Variants in PRKAR2B observed in about 807,000 individuals in gnomAD.
The protein encoded by PRKAR2B is protein kinase cAMP-dependent type II regulatory subunit beta, also known as cAMP-dependent protein kinase type II-beta regulatory subunit.
A neutral mutation model predicts 49.9 loss-of-function variants in PRKAR2B; 14 were observed. The ratio of observed to expected loss-of-function variants is 0.28; its 90% CI spans 0.19 to 0.44. The LOEUF (loss-of-function observed/expected upper bound fraction) is 0.44. Among genes scored for constraint, PRKAR2B ranks in the 20% least tolerant of loss-of-function variants. PRKAR2B has a pLI of 1.00. For synonymous variants in PRKAR2B, 196 were observed against 197.7 expected, an observed-to-expected ratio of 0.99 and a Z score of 0.07; for missense variants, 393 against 537.9, an observed-to-expected ratio of 0.73 and a Z score of 2.67.
At chr7:107,148,384 C>T (rs891639110) in intron 6 of PRKAR2B, among the ~76,000 whole-genome samples, 2 of 152,128 alleles carry the variant, frequency 1.3e-5, no homozygotes, top group African/African-American at 4.8e-5. Context: ...TAGTTTTTAG[C>T]CCTTGTAGAA....
chr7:107,066,745 T>A (rs559844040), intron 1 of PRKAR2B: 1 of 151,994 alleles, frequency 6.6e-6, no homozygotes, highest in African/African-American at 2.4e-5. Context: ...ATTTTTTTTT[T>A]AATTTTTAGT....
At chr7:107,128,334 T>C in intron 4 of PRKAR2B, 39 bp downstream of exon 4, 2 of 1,466,960 alleles carry the variant, frequency 1.4e-6, no homozygotes, top group Non-Finnish European at 1.9e-6. Context: ...CTTTGTTTTT[T>C]CCCCCAGTGA....
intron 7 of PRKAR2B, among the ~76,000 whole-genome samples, chr7:107,152,572 CTTTTCTATTTCACTGTCATA>C (rs2115670135): frequency 6.6e-6 from 1 of 152,290 alleles, no homozygotes; most frequent in South Asian, 2.1e-4. Context: ...AAATTAAATG[CTTTTCTATTTCACTGTCATA>C]TTTGAAGTAT....
At chr7:107,106,951 A>G (rs989809793) in intron 2 of PRKAR2B, among the ~76,000 whole-genome samples, 1 of 152,168 alleles carries the variant, frequency 6.6e-6, no homozygotes, top group African/African-American at 2.4e-5. Flanking sequence ...TCCTGATAAA[A>G]TGCCATAAAA....
At chr7:107,048,469 C>T (rs750987697) in intron 1 of PRKAR2B, among the ~76,000 whole-genome samples, 8 of 151,930 alleles carry the variant, frequency 5.3e-5, no homozygotes, top group East Asian at 1.9e-4. Context: ...ATGTCTTTAA[C>T]GTAAGTGATG....
Position 107,101,135 on chromosome 7 carries a change from A to ATT in PRKAR2B, c.344-20795_344-20794dup, listed in dbSNP as rs950761298. On this transcript the variant is annotated intron_variant, in intron 2 of 10. Coordinates refer to ENST00000265717, the MANE Select transcript of PRKAR2B (RefSeq NM_002736.3). ...TTCCTCCCTCTCCAGGTTGTTGCTT[A>ATT]TTTTTTTTTTTTTTTTTTTTTTTGT... is the stretch of plus-strand genomic sequence containing the variant. 9.5e-3 allele frequency among the ~76,000 whole-genome samples: 903 copies of ATT among 94,606 alleles called. 3 individuals are homozygous for ATT. Among genetic ancestry groups the ATT allele is most frequent in the African/African-American group, 0.02 (482 of 23,694 alleles). The allele number at this position is 94,606 out of a possible 152,430, so 62.1% of individuals were successfully genotyped here.
chr7:107,130,359 G>A (rs1795582578), intron 4 of PRKAR2B, among the ~76,000 whole-genome samples: 1 of 151,794 alleles, frequency 6.6e-6, no homozygotes, highest in Admixed American at 6.6e-5. Flanking sequence ...AAAGTTAGCC[G>A]GGCGTGGTGG....
chr7:107,064,416 C>G (rs577854219), intron 1 of PRKAR2B, among the ~76,000 whole-genome samples: 1 of 152,326 alleles, frequency 6.6e-6, no homozygotes, highest in African/African-American at 2.4e-5. Flanking sequence ...TCGTCTTACT[C>G]TGCCCCACCT....
chr7:107,141,469 T>TC (rs1312628889), intron 5 of PRKAR2B, among the ~76,000 whole-genome samples: 7 of 152,174 alleles, frequency 4.6e-5, no homozygotes, highest in Non-Finnish European at 8.8e-5. Flanking sequence ...GGCCAGTGGA[T>TC]CACTTGAGGT....
chr7:107,077,784 G>C (rs1219465467), intron 2 of PRKAR2B: 9 of 152,238 alleles, frequency 5.9e-5, no homozygotes, highest in Non-Finnish European at 1.0e-4. Context: ...CGTATTAAAA[G>C]TGTCTCTGTG....
At chr7:107,111,373 C>T (rs574141934) in intron 2 of PRKAR2B, among the ~76,000 whole-genome samples, 2 of 152,318 alleles carry the variant, frequency 1.3e-5, no homozygotes, top group East Asian at 3.9e-4. Context: ...GACTTCACTT[C>T]CTGCTGATTG....
At chr7:107,151,514 T>C (rs1795987391) in intron 7 of PRKAR2B, among the ~76,000 whole-genome samples, 1 of 152,250 alleles carries the variant, frequency 6.6e-6, no homozygotes, top group Non-Finnish European at 1.5e-5. Context: ...CCCATGGCCT[T>C]AAATACAGAT....
chr7:107,051,776 T>C (rs1186613493), intron 1 of PRKAR2B, among the ~76,000 whole-genome samples: 2 of 152,226 alleles, frequency 1.3e-5, no homozygotes, highest in African/African-American at 4.8e-5. Flanking sequence ...TTGCTGCTGT[T>C]TAAAAATGTT....
chr7:107,144,168 A>G (rs1409797223), intron 5 of PRKAR2B, among the ~76,000 whole-genome samples: 1 of 150,926 alleles, frequency 6.6e-6, no homozygotes, highest in East Asian at 2.0e-4. Context: ...CACTGCACCC[A>G]CTGTCCTCCT....
chr7:107,086,341 A>G (rs1047228285), intron 2 of PRKAR2B, among the ~76,000 whole-genome samples: 1 of 152,192 alleles, frequency 6.6e-6, no homozygotes, highest in Non-Finnish European at 1.5e-5. Flanking sequence ...TGCCCAGCTC[A>G]TAAGGTATGG....
chr7:107,086,352 T>C (rs1794620479), intron 2 of PRKAR2B, among the ~76,000 whole-genome samples: 1 of 152,308 alleles, frequency 6.6e-6, no homozygotes, highest in Non-Finnish European at 1.5e-5. Context: ...TAAGGTATGG[T>C]TAATTAATGA....
chr7:107,054,819 T>C (rs1025774051), intron 1 of PRKAR2B, among the ~76,000 whole-genome samples: 6 of 152,224 alleles, frequency 3.9e-5, no homozygotes, highest in Non-Finnish European at 8.8e-5. Flanking sequence ...AAATAGACTT[T>C]TTTTTATTAT....
intron 2 of PRKAR2B, among the ~76,000 whole-genome samples, chr7:107,114,190 A>G (rs1199932645): frequency 6.6e-6 from 1 of 152,232 alleles, no homozygotes; most frequent in Non-Finnish European, 1.5e-5. Context: ...TTGGAACCCA[A>G]GAGTAGAATA....
chr7:107,131,740 G>A (rs1470018771), intron 4 of PRKAR2B, among the ~76,000 whole-genome samples: 4 of 152,086 alleles, frequency 2.6e-5, no homozygotes, highest in Non-Finnish European at 5.9e-5. Context: ...TTACCACCTG[G>A]AATAAGACAT....
Sources: gnomAD v4.1 joint callset for allele counts (sites outside exome capture counted in the v4.1 genomes callset) on GRCh38, gnomAD v4.1.1 for gene constraint, MANE v1.5 for transcripts, NCBI Gene and HGNC (gene_info 2026-07-23, HGNC 2026-07-21) for gene names.